The following LRRC24 variants were observed in gnomAD, a reference collection of about 807,000 sequenced individuals.
LRRC24 encodes leucine-rich repeat-containing protein 24.
In LRRC24, 19 loss-of-function variants were observed where a neutral mutation model predicts 15.3. The ratio of observed to expected loss-of-function variants is 1.25; its 90% CI spans 0.87 to 1.83. LRRC24 has a LOEUF of 1.83. LRRC24 is among the 40% of genes most tolerant of loss of function. The probability of loss-of-function intolerance (pLI) is 0.00; values close to 1 mark genes in which losing one functional copy is unlikely to be tolerated. For synonymous variants in LRRC24, 469 were observed against 359.6 expected (o/e 1.30, Z -3.44); for missense variants, 914 against 723.9 (o/e 1.26, Z -3.01).
At chr8:144,525,321 C>G (rs1816323579) in intron 1 of LRRC24, 2 of 207,068 alleles carry the variant, frequency 9.7e-6, no homozygotes, top group Non-Finnish European at 1.9e-5. Context: ...AGGTCAGGAG[C>G]TTCCTGCTCA....
intron 4 of LRRC24, chr8:144,523,877 A>T: frequency 1.8e-6 from 1 of 565,060 alleles, no homozygotes; most frequent in Non-Finnish European, 3.1e-6. Flanking sequence ...AGAACCCTCA[A>T]TTCTGTTAAG....
chr8:144,525,010 G>A lies in LRRC24; in HGVS notation c.-36C>T. 1 of 1,410,614 alleles carries A rather than the reference G, an allele frequency of 7.1e-7. No homozygotes were observed. The highest frequency in any genetic ancestry group is 3.0e-5 in the Admixed American group (1 of 33,648). 87.4% of individuals were successfully genotyped at this position (1,410,614 alleles called of 1,614,324 possible). ...CCGGTTCCTCACCGGCCCTTCCGCG[G>A]TTCAGCCGCAGACGCGTGCCCTCCT... On this transcript the variant is annotated 5_prime_UTR_variant, in exon 2 of 5. Coordinates refer to ENST00000529415, the MANE Select transcript of LRRC24 (RefSeq NM_001024678.4).
At position 144,524,545 on chromosome 8, in the gene LRRC24, C is replaced by G. The variant is rs1245780314; in HGVS notation, c.334G>C (p.Gly112Arg). ...ELALTSNRLR[G>R]LRSGAFVGLA... Reference sequence around the variant, plus strand: ...CCTACGAAGGCGCCGCTGCGCAAGCCGCGCAGCCGGTTGCTAGTGAGCGCC... The same window carrying G: ...CCTACGAAGGCGCCGCTGCGCAAGCGGCGCAGCCGGTTGCTAGTGAGCGCC... Residue 112 changes from glycine (G) to arginine (R), a missense_variant, in exon 3 of 5, where the codon GGC (glycine) becomes CGC (arginine). Physicochemically the swap from Gly to Arg is moderately radical, Grantham distance 125. Coordinates refer to ENST00000529415, the MANE Select transcript of LRRC24 (RefSeq NM_001024678.4). The G allele has an allele frequency of 7.0e-6, 11 of 1,582,410 alleles. No individual in the cohort carries two copies. Among genetic ancestry groups the G allele is most frequent in the South Asian group, 1.1e-5 (1 of 89,486 alleles).
At chr8:144,525,222 C>T (rs1338815023) in intron 1 of LRRC24, 189 bp from the exon 2 acceptor site, 2 of 383,010 alleles carry the variant, frequency 5.2e-6, no homozygotes, top group Admixed American at 4.6e-5. Flanking sequence ...ATTTAGAATT[C>T]CTGGTGTCCT....
At chr8:144,523,979 G>T in intron 4 of LRRC24, 131 bp downstream of exon 4, 2 of 1,072,144 alleles carry the variant, frequency 1.9e-6, no homozygotes, top group Non-Finnish European at 2.7e-6. Flanking sequence ...CCTCCAGTGT[G>T]GCTGCAGGCG....
rs1335998449 is a variant in LRRC24, at chr8:144,523,110, G to C, written c.907C>G (p.Arg303Gly). The C allele has an allele frequency of 1.2e-6, 2 of 1,609,340 alleles. No homozygotes were observed. The highest frequency in any genetic ancestry group is 2.2e-5 in the East Asian group (1 of 44,860). ...TCTAGCTGGGCCTGGGCTCGCGGCC[G>C]GCCCTCGCGAGGCTGGGGCACCTTT... ...WRKVPQPREG[R>G]PRAQAQLEGG... Residue 303 changes from arginine (R) to glycine (G), a missense_variant, in exon 5 of 5, where the codon CGG becomes GGG. Transcript: ENST00000529415.
chr8:144,522,862 G>C lies in LRRC24; in HGVS notation c.1155C>G (p.Ser385Arg). 2 of 1,270,462 alleles carry C rather than the reference G, an allele frequency of 1.6e-6. No homozygotes were observed. The highest frequency in any genetic ancestry group is 2.0e-6 in the Non-Finnish European group (2 of 1,014,888). The allele number at this position is 1,270,462 out of a possible 1,614,324, so 78.7% of individuals were successfully genotyped here. The part of the protein sequence containing the change: ...PPPPAARPAG[S>R]EPRPEAGSMA... ...TGCTGCCCGCCTCGGGCCGGGGCTC[G>C]CTGCCGGCGGGGCGGGCGGCCGGAG... The change falls in exon 5 of 5, where the codon AGC (serine) becomes AGG (arginine). Residue 385 changes from serine to arginine, a missense_variant. Physicochemically the swap from Ser to Arg is moderately radical, Grantham distance 110. Coordinates refer to ENST00000529415, the MANE Select transcript of LRRC24 (RefSeq NM_001024678.4).
Position 144,524,467 on chromosome 8 carries a change from G to C in LRRC24, c.412C>G (p.Leu138Val), listed in dbSNP as rs1816274467. 11 of 1,597,756 alleles carry C rather than the reference G, an allele frequency of 6.9e-6. No individual in the cohort carries two copies. The highest frequency in any genetic ancestry group is 1.3e-5 in the African/African-American group (1 of 75,058). The change falls in exon 3 of 5, where the codon CTG becomes GTG. Residue 138 changes from leucine to valine, a missense_variant. Transcript: ENST00000529415. ...YLAGNQLARL[L>V]DFTFLHLPRL... is the part of the protein sequence containing the mutation. ...GGCAGGTGCAAGAAGGTGAAATCCAGCAGCCGCGCCAGCTGGTTGCCCGCC... is the reference window on the plus strand; with the variant it reads ...GGCAGGTGCAAGAAGGTGAAATCCACCAGCCGCGCCAGCTGGTTGCCCGCC...
At position 144,524,519 on chromosome 8, in the gene LRRC24, G is replaced by T; in HGVS notation, c.360C>A (p.Gly120=). Residue 120 remains glycine (G), a synonymous_variant, in exon 3 of 5, where the codon GGC becomes GGA. Transcript: ENST00000529415. ...GGTAGAGCACGCGCAGCTGGGCCAG[G>T]CCTACGAAGGCGCCGCTGCGCAAGC... ...LRGLRSGAFV[G]LAQLRVLYLA... 4 of 1,593,016 alleles carry T rather than the reference G, an allele frequency of 2.5e-6. No homozygotes were observed. The highest frequency in any genetic ancestry group is 3.4e-6 in the Non-Finnish European group (4 of 1,177,870).
At chr8:144,525,558 C>T (rs1816332169) in intron 1 of LRRC24, among the ~76,000 whole-genome samples, 2 of 152,288 alleles carry the variant, frequency 1.3e-5, no homozygotes, top group African/African-American at 2.4e-5. Flanking sequence ...GAGCTGGCCT[C>T]AGAGGAGCTA....
intron 4 of LRRC24, chr8:144,523,759 C>T (rs1032181851): frequency 2.7e-5 from 11 of 414,900 alleles, no homozygotes; most frequent in Admixed American, 8.1e-5. Context: ...CCTCACAAGT[C>T]CTCTCAGCCT....
rs1470429556 is a variant in LRRC24 at position 144,524,628 on chromosome 8, T to C, written c.251A>G (p.Asn84Ser). ...AALRRLYLHN[N>S]SLRALEAGAF... The stretch of plus-strand genomic sequence containing the variant: ...GCCGGCCTCCAGGGCGCGCAGGCTG[T>C]TGTTGTGCAGGTAGAGCCGGCGCAG... The change falls in exon 3 of 5, where the codon AAC becomes AGC. Residue 84 changes from asparagine to serine, a missense_variant. Transcript: ENST00000529415. 1.5e-5 allele frequency: 23 copies of C among 1,522,150 alleles called. No homozygotes were observed. Among genetic ancestry groups the C allele is most frequent in the Admixed American group, 2.1e-5 (1 of 47,450 alleles). The allele number at this position is 1,522,150 out of a possible 1,614,324, so 94.3% of individuals were successfully genotyped here.
At chr8:144,524,031 A>G (rs2130793807) in intron 4 of LRRC24, 79 bp downstream of exon 4, 2 of 1,501,536 alleles carry the variant, frequency 1.3e-6, no homozygotes, top group Non-Finnish European at 1.8e-6. Context: ...GCCTGATGTC[A>G]GAGCCCCTCC....
intron 4 of LRRC24, chr8:144,523,778 G>A (rs1397175712): frequency 2.4e-6 from 1 of 411,178 alleles, no homozygotes; most frequent in African/African-American, 2.0e-5. Flanking sequence ...CTTGCCTTTG[G>A]ATGCCCTCTC....
rs570927630 is a variant in LRRC24, at chr8:144,524,228, G to A, written c.489C>T (p.Asp163=). ...GGGAGGACAGCCCCGCTAGAGCCTGGTCCTCCAGCAGCTCAATGCTGTTTT... is the reference window on the plus strand; with the variant it reads ...GGGAGGACAGCCCCGCTAGAGCCTGATCCTCCAGCAGCTCAATGCTGTTTT... The part of the protein sequence containing the change: ...LQENSIELLE[D]QALAGLSSLA... The change falls in exon 4 of 5, where the codon GAC becomes GAT. Residue 163 remains aspartate (D), a synonymous_variant. Coordinates refer to ENST00000529415, the MANE Select transcript of LRRC24 (RefSeq NM_001024678.4). 2 of 1,612,658 alleles carry A rather than the reference G, an allele frequency of 1.2e-6. No homozygotes were observed. The highest frequency in any genetic ancestry group is 1.3e-5 in the African/African-American group (1 of 75,054).
Position 144,523,012 on chromosome 8 carries a change from G to C in LRRC24, c.1005C>G (p.Ile335Met). 6.3e-7 allele frequency: 1 copy of C among 1,597,248 alleles called. No individual in the cohort carries two copies. Among genetic ancestry groups the C allele is most frequent in the Non-Finnish European group, 8.5e-7 (1 of 1,174,950 alleles). ...TGSGMLFLSNITLAHAGKYEC... is the reference protein window; with the variant it reads ...TGSGMLFLSNMTLAHAGKYEC... Reference sequence around the variant, plus strand: ...CGTACTTACCGGCGTGCGCCAGCGTGATGTTGCTGAGGAAGAGCATGCCGC... The same window carrying C: ...CGTACTTACCGGCGTGCGCCAGCGTCATGTTGCTGAGGAAGAGCATGCCGC... Residue 335 changes from isoleucine (I) to methionine (M), a missense_variant, in exon 5 of 5, where the codon ATC (isoleucine) becomes ATG (methionine). Physicochemically the swap from Ile to Met is conservative, Grantham distance 10. Transcript: ENST00000529415.
chr8:144,522,691 T>G lies in LRRC24; in HGVS notation c.1326A>C (p.Gly442=), dbSNP rs112652028. The change falls in exon 5 of 5, where the codon GGA becomes GGC. Residue 442 remains glycine, a synonymous_variant. Coordinates refer to ENST00000529415, the MANE Select transcript of LRRC24 (RefSeq NM_001024678.4). ...CCAAGTAGTCGTTGACGAACAGCGC[T>G]CCCTCCCCCGGAGGCCCCCGCGCCT... is the stretch of plus-strand genomic sequence containing the variant. ...RKKARGPPGE[G]ALFVNDYLDG... 4,154 of 1,595,710 alleles carry G rather than the reference T, an allele frequency of 2.6e-3. 85 individuals are homozygous for G. The African/African-American group carries it at 0.045, about 17-fold the overall frequency.
At chr8:144,524,403 A>G in intron 3 of LRRC24, 38 bp downstream of exon 3, 1 of 1,595,594 alleles carries the variant, frequency 6.3e-7, no homozygotes. Context: ...GAGGGGCCAT[A>G]ATGGAGTATC....
In LRRC24 at chr8:144,522,516, G is replaced by C. The variant is rs1482164281; in HGVS notation, c.1501C>G (p.Leu501Val). The change falls in exon 5 of 5, where the codon CTC becomes GTC. Residue 501 changes from leucine (L) to valine (V), a missense_variant. By Grantham distance (32) the Leu-to-Val change is conservative. Coordinates refer to ENST00000529415, the MANE Select transcript of LRRC24 (RefSeq NM_001024678.4). The part of the protein sequence containing the change: ...CGPEQGAGPG[L>V]RVPPPVAYEI... Reference sequence around the variant, plus strand: ...TAGGCGACCGGCGGGGGCACGCGGAGTCCCGGCCCCGCCCCCTGTTCCGGG... The same window carrying C: ...TAGGCGACCGGCGGGGGCACGCGGACTCCCGGCCCCGCCCCCTGTTCCGGG... The C allele has an allele frequency of 1.7e-5, 26 of 1,506,320 alleles. No individual in the cohort carries two copies. The highest frequency in any genetic ancestry group is 1.9e-4 in the Middle Eastern group (1 of 5,374). The allele number at this position is 1,506,320 out of a possible 1,614,324, so 93.3% of individuals were successfully genotyped here.
Sources: allele counts gnomAD v4.1 joint callset (sites outside exome capture counted in the v4.1 genomes callset), GRCh38; gene constraint gnomAD v4.1.1; transcripts MANE v1.5; gene names NCBI Gene and HGNC (gene_info 2026-07-23, HGNC 2026-07-21).